The following RELN variants were observed in gnomAD, a reference collection of about 807,000 sequenced individuals.
RELN encodes the protein reelin.
In RELN, 108 loss-of-function variants were observed where a neutral mutation model predicts 427.6. The observed-to-expected ratio is 0.25, with a 90% confidence interval of 0.22 to 0.30. The LOEUF is 0.30. Among genes scored for constraint, RELN ranks in the 10% least tolerant of loss-of-function variants. RELN has a pLI of 1.00. For missense variants in RELN, 3,715 were observed against 4,302.8 expected (o/e 0.86, Z 3.82); for synonymous variants, 1,524 against 1,513.4 (o/e 1.01, Z -0.16).
intron 3 of RELN, among the ~76,000 whole-genome samples, chr7:103,801,465 C>T (rs1273778942): frequency 6.6e-6 from 1 of 151,134 alleles, no homozygotes; most frequent in African/African-American, 2.4e-5. Flanking sequence ...TCATTCTCAG[C>T]AAACTATCAC....
At position 103,594,454 on chromosome 7, in the gene RELN, G is replaced by A; in HGVS notation, c.3578C>T (p.Pro1193Leu). Reference protein sequence around the residue: ...YLELPAAAKTPCTRFRWWQPV... With the variant: ...YLELPAAAKTLCTRFRWWQPV... ...CTGCCACCAGCGGAACCTGGTGCAA[G>A]GGGTCTTGGCAGCAGCTGGAAGCTC... Residue 1193 changes from proline (P) to leucine (L), a missense_variant, in exon 26 of 65, where the codon CCT becomes CTT. Coordinates refer to ENST00000428762, the MANE Select transcript of RELN (RefSeq NM_005045.4). 6.2e-7 allele frequency: 1 copy of A among 1,614,024 alleles called. No homozygotes were observed. The highest frequency in any genetic ancestry group is 8.5e-7 in the Non-Finnish European group (1 of 1,179,922).
chr7:103,821,525 G>C (rs995153982), intron 3 of RELN, among the ~76,000 whole-genome samples: 1 of 152,120 alleles, frequency 6.6e-6, no homozygotes, highest in Non-Finnish European at 1.5e-5. Context: ...ATGGTGCTGA[G>C]ATGAGCCAGG....
chr7:103,588,553 C>T (rs948708244), intron 28 of RELN, among the ~76,000 whole-genome samples: 3 of 152,178 alleles, frequency 2.0e-5, no homozygotes, highest in African/African-American at 7.2e-5. Flanking sequence ...CTGACACAAT[C>T]AGTATGCATT....
chr7:103,530,923 T>C (rs1829924409), intron 46 of RELN, among the ~76,000 whole-genome samples: 1 of 152,146 alleles, frequency 6.6e-6, no homozygotes, highest in Non-Finnish European at 1.5e-5. Context: ...TATGTCTAAT[T>C]TTCCTTAAAT....
intron 1 of RELN, among the ~76,000 whole-genome samples, chr7:103,984,376 C>A (rs1797054509): frequency 6.6e-6 from 1 of 151,898 alleles, no homozygotes; most frequent in Non-Finnish European, 1.5e-5. Flanking sequence ...ATTTTCAATG[C>A]AAATAAAACT....
At chr7:103,806,942 G>A (rs1349087093) in intron 3 of RELN, among the ~76,000 whole-genome samples, 1 of 152,134 alleles carries the variant, frequency 6.6e-6, no homozygotes, top group African/African-American at 2.4e-5. Flanking sequence ...GAACTAGGAA[G>A]AGGAATAACA....
chr7:103,891,891 C>T (rs768455779), intron 2 of RELN, among the ~76,000 whole-genome samples: 11 of 152,114 alleles, frequency 7.2e-5, no homozygotes, highest in Non-Finnish European at 1.3e-4. Flanking sequence ...TTCTTTCCAG[C>T]ATTCTAGACA....
chr7:103,557,947 T>C lies in RELN; in HGVS notation c.5614+18A>G. The C allele has an allele frequency of 8.9e-7, 1 of 1,123,850 alleles. No homozygotes were observed. The highest frequency in any genetic ancestry group is 1.4e-6 in the Non-Finnish European group (1 of 734,026). The allele number at this position is 1,123,850 out of a possible 1,614,324, so 69.6% of individuals were successfully genotyped here. A position where few individuals can be genotyped will look rare whatever the true frequency, so the allele number is the denominator to read the frequency against. ...AGGGGAGAATTCTCTTGAAGGAAAA[T>C]AATAAATTCATACTTACTTTTTGCT... is the stretch of plus-strand genomic sequence containing the variant. On this transcript the variant is annotated intron_variant, in intron 37 of 64. Coordinates refer to ENST00000428762, the MANE Select transcript of RELN (RefSeq NM_005045.4).
intron 1 of RELN, among the ~76,000 whole-genome samples, chr7:103,978,252 C>A (rs939938426): frequency 6.7e-6 from 1 of 150,194 alleles, no homozygotes; most frequent in African/African-American, 2.4e-5. Flanking sequence ...CTGGCAACTA[C>A]CATTCTATTC....
chr7:103,625,341 A>G lies in RELN; in HGVS notation c.2702+4599T>C, dbSNP rs115063832. Among the ~76,000 whole-genome samples, 866 of 152,362 alleles carry G rather than the reference A, an allele frequency of 5.7e-3. 13 individuals carry two copies. The highest frequency in any genetic ancestry group is 0.02 in the African/African-American group (837 of 41,598). ...ACCACTATGAGCTTTCTGTTGCACAATGCTTCAACCTTCTCCCTCAACCAA... is the reference window on the plus strand; with the variant it reads ...ACCACTATGAGCTTTCTGTTGCACAGTGCTTCAACCTTCTCCCTCAACCAA... On this transcript the variant is annotated intron_variant, in intron 20 of 64. Coordinates refer to ENST00000428762, the MANE Select transcript of RELN (RefSeq NM_005045.4).
At chr7:103,761,308 T>C (rs1791292872) in intron 4 of RELN, among the ~76,000 whole-genome samples, 1 of 152,216 alleles carries the variant, frequency 6.6e-6, no homozygotes, top group Admixed American at 6.5e-5. Flanking sequence ...TTATGGCTCA[T>C]TGTCTTACCA....
In RELN at chr7:103,620,505, G is replaced by A. The variant is rs934214908; in HGVS notation, c.2703-8702C>T. ...TTTTTTTTTTTTGAGATAGAGTCTC[G>A]TCTGTCGCCCAGGCTGGAGTAACAG... is the stretch of plus-strand genomic sequence containing the variant. On this transcript the variant is annotated intron_variant, in intron 20 of 64. Transcript: ENST00000428762. The surrounding 1 kb of genome is among the most constrained non-coding windows in gnomAD (Gnocchi z 4.1). 4.9e-5 allele frequency among the ~76,000 whole-genome samples: 7 copies of A among 142,812 alleles called. No homozygotes were observed. The Admixed American group carries it at 5.0e-4, about 10-fold the overall frequency. 93.7% of individuals were successfully genotyped at this position (142,812 alleles called of 152,430 possible).
At chr7:103,695,393 AT>A (rs200128328) in intron 10 of RELN, among the ~76,000 whole-genome samples, 25 of 151,888 alleles carry the variant, frequency 1.6e-4, no homozygotes, top group African/African-American at 5.6e-4. Context: ...TACTACAATG[AT>A]TTTTTTTCCC....
At chr7:103,688,242 A>G (rs1833803027) in intron 10 of RELN, among the ~76,000 whole-genome samples, 1 of 152,144 alleles carries the variant, frequency 6.6e-6, no homozygotes, top group African/African-American at 2.4e-5. Flanking sequence ...CCACAAGTCT[A>G]ACTGAGCTCA....
chr7:103,912,378 G>A (rs1795389016), intron 2 of RELN, among the ~76,000 whole-genome samples: 1 of 152,024 alleles, frequency 6.6e-6, no homozygotes, highest in East Asian at 1.9e-4. Flanking sequence ...TAGAGATGGG[G>A]TTTGACTATG....
intron 27 of RELN, among the ~76,000 whole-genome samples, chr7:103,590,898 G>A (rs1378661969): frequency 6.6e-6 from 1 of 152,140 alleles, no homozygotes; most frequent in Non-Finnish European, 1.5e-5. Flanking sequence ...GTTATACATA[G>A]CGTTGCAGAG....
chr7:103,812,280 C>G (rs1474387460), intron 3 of RELN, among the ~76,000 whole-genome samples: 3 of 152,176 alleles, frequency 2.0e-5, no homozygotes, highest in Non-Finnish European at 2.9e-5. Context: ...GTCCCTAAAG[C>G]TGCCCAGGAC....
intron 6 of RELN, among the ~76,000 whole-genome samples, chr7:103,746,014 C>T (rs374959843): frequency 5.9e-5 from 9 of 152,082 alleles, no homozygotes; most frequent in Non-Finnish European, 8.8e-5. Context: ...TGACTTCAAA[C>T]TATACTACAA....
At chr7:103,793,391 T>C (rs1013232615) in intron 3 of RELN, among the ~76,000 whole-genome samples, 1 of 152,212 alleles carries the variant, frequency 6.6e-6, no homozygotes, top group African/African-American at 2.4e-5. Flanking sequence ...CCAAAATGAA[T>C]GCTGAGGATG....
Sources: gnomAD v4.1 joint callset for allele counts (sites outside exome capture counted in the v4.1 genomes callset) on GRCh38, gnomAD v4.1.1 for gene constraint, Gnocchi (gnomAD v3.1) non-coding constraint, MANE v1.5 for transcripts, NCBI Gene and HGNC (gene_info 2026-07-23, HGNC 2026-07-21) for gene names.